Variants in CYP2W1 observed in about 807,000 individuals in gnomAD.
The protein encoded by CYP2W1 is cytochrome P450 family 2 subfamily W member 1.
In CYP2W1, 51 loss-of-function variants were observed where a neutral mutation model predicts 44.9. The ratio of observed to expected loss-of-function variants is 1.14; its 90% CI spans 0.91 to 1.43. CYP2W1 has a LOEUF of 1.43. Ranked by LOEUF, CYP2W1 falls within the 40% of genes most tolerant of loss-of-function variation. The probability of loss-of-function intolerance (pLI) is 0.00; values close to 1 mark genes in which losing one functional copy is unlikely to be tolerated. For missense variants in CYP2W1, 746 were observed against 700.0 expected (o/e 1.07, Z -0.74); for synonymous variants, 383 against 338.3 (o/e 1.13, Z -1.45).
At chr7:986,926 C>G in intron 5 of CYP2W1, 129 bp downstream of exon 5, 1 of 1,322,026 alleles carries the variant, frequency 7.6e-7, no homozygotes, top group East Asian at 2.6e-5. Flanking sequence ...GGGGGCCTCT[C>G]AGAGCCTCAG....
chr7:987,561 T>A, intron 7 of CYP2W1, 30 bp downstream of exon 7: 3 of 1,493,138 alleles, frequency 2.0e-6, no homozygotes, highest in Non-Finnish European at 2.7e-6. Context: ...GCCCCTTCCA[T>A]CTCCTCTGGG....
chr7:987,342 C>G lies in CYP2W1; in HGVS notation c.959-5C>G. 3 of 1,572,352 alleles carry G rather than the reference C, an allele frequency of 1.9e-6. No individual in the cohort carries two copies. The highest frequency in any genetic ancestry group is 2.6e-6 in the Non-Finnish European group (3 of 1,162,114). ...GCCACCCAAGCGGCCCACCCTTTGC[C>G]CCAGGCCGGGTGCAGGAGGAGCTAG... On this transcript the variant is annotated splice_polypyrimidine_tract_variant and splice_region_variant and intron_variant, in intron 6 of 8. Coordinates refer to ENST00000308919, the MANE Select transcript of CYP2W1 (RefSeq NM_017781.3).
chr7:987,371 G>C lies in CYP2W1; in HGVS notation c.983G>C (p.Arg328Pro). 6.3e-7 allele frequency: 1 copy of C among 1,591,764 alleles called. No homozygotes were observed. Among genetic ancestry groups the C allele is most frequent in the Non-Finnish European group, 8.5e-7 (1 of 1,175,534 alleles). Residue 328 changes from arginine to proline, a missense_variant, in exon 7 of 9, where the codon CGC becomes CCC. Physicochemically the swap from Arg to Pro is moderately radical, Grantham distance 103 (BLOSUM62 -2). Coordinates refer to ENST00000308919, the MANE Select transcript of CYP2W1 (RefSeq NM_017781.3). ...GGCCGGGTGCAGGAGGAGCTAGACC[G>C]CGTGCTGGGCCCTGGGCGGACTCCC... ...VQGRVQEELDRVLGPGRTPRL... is the reference protein window; with the variant it reads ...VQGRVQEELDPVLGPGRTPRL...
At chr7:983,875 G>C (rs983143963) in intron 1 of CYP2W1, among the ~76,000 whole-genome samples, 3 of 152,348 alleles carry the variant, frequency 2.0e-5, no homozygotes, top group Admixed American at 2.0e-4. Flanking sequence ...ACGGGGACAC[G>C]GCACGGGGCA....
In CYP2W1 at chr7:988,701, T is replaced by G. The variant is rs201684384; in HGVS notation, c.1352T>G (p.Leu451Arg). 575 of 1,599,784 alleles carry G rather than the reference T, an allele frequency of 3.6e-4. No homozygotes were observed. The highest frequency in any genetic ancestry group is 8.0e-4 in the Admixed American group (48 of 59,974). Residue 451 changes from leucine to arginine, a missense_variant, in exon 9 of 9, where the codon CTG becomes CGG. Leu to Arg is a moderately radical substitution (Grantham distance 102, BLOSUM62 -2). Transcript: ENST00000308919. ...CTCTTCCTGCTGTTTGCCGGCCTCC[T>G]GCAGAGGTACCGCCTGCTGCCCCCG... ...TELFLLFAGL[L>R]QRYRLLPPPG...
rs758985825 is a variant in CYP2W1 at position 985,064 on chromosome 7, T to G, written c.452T>G (p.Leu151Arg). The change falls in exon 3 of 9, where the codon CTG becomes CGG. Residue 151 changes from leucine (L) to arginine (R), a missense_variant. Coordinates refer to ENST00000308919, the MANE Select transcript of CYP2W1 (RefSeq NM_017781.3). ...EPVADKILQE[L>R]KCLSGQLDGY... ...GTGGCTGACAAGATTCTGCAGGAGC[T>G]GAAATGCCTCTCTGGGCAGCTGGAT... The G allele has an allele frequency of 6.2e-7, 1 of 1,612,454 alleles. No individual in the cohort carries two copies. Among genetic ancestry groups the G allele is most frequent in the East Asian group, 2.2e-5 (1 of 44,866 alleles).
In CYP2W1 at chr7:987,378, G is replaced by A. The variant is rs766645260; in HGVS notation, c.990G>A (p.Leu330=). ...GRVQEELDRV[L]GPGRTPRLED... ...TGCAGGAGGAGCTAGACCGCGTGCT[G>A]GGCCCTGGGCGGACTCCCCGGCTGG... The change falls in exon 7 of 9, where the codon CTG becomes CTA. Residue 330 remains leucine, a synonymous_variant. Transcript: ENST00000308919. The A allele has an allele frequency of 3.1e-6, 5 of 1,593,648 alleles. No homozygotes were observed. In the East Asian group the frequency reaches 9.0e-5, roughly 29 times the overall value.
Position 986,779 on chromosome 7 carries a change from C to T in CYP2W1, c.801C>T (p.Ala267=), listed in dbSNP as rs1178517195. The change falls in exon 5 of 9, where the codon GCC becomes GCT. Residue 267 remains alanine (A), a synonymous_variant. Coordinates refer to ENST00000308919, the MANE Select transcript of CYP2W1 (RefSeq NM_017781.3). Reference sequence around the variant, plus strand: ...ACCCCGTGTGCAGCTATGTGGACGCCCTGATCCAGCAGGGACAGGTGTGTC... The same window carrying T: ...ACCCCGTGTGCAGCTATGTGGACGCTCTGATCCAGCAGGGACAGGTGTGTC... ...PGDPVCSYVD[A]LIQQGQGDDP... is the part of the protein sequence containing the mutation. The T allele has an allele frequency of 6.3e-7, 1 of 1,581,196 alleles. No homozygotes were observed. The highest frequency in any genetic ancestry group is 1.8e-5 in the Admixed American group (1 of 56,416).
chr7:987,324 A>G, intron 6 of CYP2W1, 23 bp from the exon 7 acceptor site: 1 of 1,552,182 alleles, frequency 6.4e-7, no homozygotes, highest in South Asian at 1.2e-5. Context: ...GCTGCCACCC[A>G]AGCGGCCCAC....
In CYP2W1 at chr7:989,062, C is replaced by A. The variant is rs183047053; in HGVS notation, c.*240C>A. ...CTGCAGCTCAGTCCCTGCCAGCCCC[C>A]AGGAGCGCCTCCAGGGCCCCGCCCA... On this transcript the variant is annotated 3_prime_UTR_variant, in exon 9 of 9. Coordinates refer to ENST00000308919, the MANE Select transcript of CYP2W1 (RefSeq NM_017781.3). 539 of 458,286 alleles carry A rather than the reference C, an allele frequency of 1.2e-3. 2 individuals carry two copies. The highest frequency in any genetic ancestry group is 9.3e-3 in the African/African-American group (477 of 51,194). 28.4% of individuals were successfully genotyped at this position (458,286 alleles called of 1,614,324 possible).
chr7:986,690 G>C lies in CYP2W1; in HGVS notation c.712G>C (p.Glu238Gln). The change falls in exon 5 of 9, where the codon GAG (glutamate) becomes CAG (glutamine). Residue 238 changes from glutamate (E) to glutamine (Q), a missense_variant. Glu to Gln is a conservative substitution (Grantham distance 29, BLOSUM62 2). Transcript: ENST00000308919. Reference protein sequence around the residue: ...QLHRPVLRKIEEVRAILRTLL... With the variant: ...QLHRPVLRKIQEVRAILRTLL... ...GCACCGGCCCGTCCTGCGCAAGATCGAGGAGGTCCGTGCCATTCTGAGGAC... is the reference window on the plus strand; with the variant it reads ...GCACCGGCCCGTCCTGCGCAAGATCCAGGAGGTCCGTGCCATTCTGAGGAC... The C allele has an allele frequency of 6.2e-7, 1 of 1,612,576 alleles. No homozygotes were observed. The highest frequency in any genetic ancestry group is 1.3e-5 in the African/African-American group (1 of 75,036).
rs988047184 is a variant in CYP2W1 at position 987,215 on chromosome 7, C to A, written c.928C>A (p.Leu310Ile). 1 of 1,543,144 alleles carries A rather than the reference C, an allele frequency of 6.5e-7. No individual in the cohort carries two copies. Among genetic ancestry groups the A allele is most frequent in the Non-Finnish European group, 8.7e-7 (1 of 1,143,904 alleles). The change falls in exon 6 of 9, where the codon CTT becomes ATT. Residue 310 changes from leucine to isoleucine, a missense_variant. Coordinates refer to ENST00000308919, the MANE Select transcript of CYP2W1 (RefSeq NM_017781.3). ...TTSATLQWAALLMGRHPDVQG... is the reference protein window; with the variant it reads ...TTSATLQWAAILMGRHPDVQG... ...CTCGGCCACGCTGCAGTGGGCCGCA[C>A]TTCTGATGGGCCGGCACCCGGACGT... is the stretch of plus-strand genomic sequence containing the variant.
At position 986,705 on chromosome 7, in the gene CYP2W1, A is replaced by T; in HGVS notation, c.727A>T (p.Ile243Phe). 1 of 1,612,310 alleles carries T rather than the reference A, an allele frequency of 6.2e-7. No homozygotes were observed. The highest frequency in any genetic ancestry group is 8.5e-7 in the Non-Finnish European group (1 of 1,179,728). The change falls in exon 5 of 9, where the codon ATT becomes TTT. Residue 243 changes from isoleucine (I) to phenylalanine (F), a missense_variant. Transcript: ENST00000308919. The stretch of plus-strand genomic sequence containing the variant: ...GCGCAAGATCGAGGAGGTCCGTGCC[A>T]TTCTGAGGACCCTCCTGGAGGCGCG... ...VLRKIEEVRA[I>F]LRTLLEARRP...
chr7:986,540 C>T (rs1848359402), intron 4 of CYP2W1, 84 bp from the exon 5 acceptor site: 2 of 1,519,560 alleles, frequency 1.3e-6, no homozygotes, highest in Admixed American at 1.8e-5. Flanking sequence ...GGCGTGAACA[C>T]AGCCGCTGGG....
Position 987,228 on chromosome 7 carries a change from G to A in CYP2W1, c.941G>A (p.Arg314Gln), listed in dbSNP as rs760287935. The A allele has an allele frequency of 2.1e-5, 33 of 1,535,782 alleles. No homozygotes were observed. Among genetic ancestry groups the A allele is most frequent in the Admixed American group, 7.9e-5 (4 of 50,472 alleles). The change falls in exon 6 of 9, where the codon CGG becomes CAG. Residue 314 changes from arginine (R) to glutamine (Q), a missense_variant. Transcript: ENST00000308919. ...CAGTGGGCCGCACTTCTGATGGGCCGGCACCCGGACGTGCAGGGTGAGACC... is the reference window on the plus strand; with the variant it reads ...CAGTGGGCCGCACTTCTGATGGGCCAGCACCCGGACGTGCAGGGTGAGACC... ...TLQWAALLMG[R>Q]HPDVQGRVQE...
At position 985,106 on chromosome 7, in the gene CYP2W1, A is replaced by T. The variant is rs1554282553; in HGVS notation, c.487+7A>T. 2 of 1,611,192 alleles carry T rather than the reference A, an allele frequency of 1.2e-6. No homozygotes were observed. Among genetic ancestry groups the T allele is most frequent in the Admixed American group, 3.3e-5 (2 of 59,868 alleles). On this transcript the variant is annotated splice_region_variant and intron_variant, in intron 3 of 8. Transcript: ENST00000308919. ...CAGCTGGATGGCTACAGAGGTGAGC[A>T]GGGGGCCGGGGACGCCCCTCCCCGG...
At position 985,053 on chromosome 7, in the gene CYP2W1, T is replaced by C; in HGVS notation, c.441T>C (p.Ile147=). The C allele has an allele frequency of 6.2e-7, 1 of 1,612,494 alleles. No homozygotes were observed. ...GCCGGGAGCCGGTGGCTGACAAGATTCTGCAGGAGCTGAAATGCCTCTCTG... is the reference window on the plus strand; with the variant it reads ...GCCGGGAGCCGGTGGCTGACAAGATCCTGCAGGAGCTGAAATGCCTCTCTG... ...GVGREPVADK[I]LQELKCLSGQ... is the part of the protein sequence containing the mutation. The change falls in exon 3 of 9, where the codon ATT becomes ATC. Residue 147 remains isoleucine, a synonymous_variant. Coordinates refer to ENST00000308919, the MANE Select transcript of CYP2W1 (RefSeq NM_017781.3).
rs1381264535 is a variant in CYP2W1, at chr7:988,683, T to C, written c.1334T>C (p.Leu445Pro). 1 of 1,600,204 alleles carries C rather than the reference T, an allele frequency of 6.2e-7. No individual in the cohort carries two copies. The highest frequency in any genetic ancestry group is 8.5e-7 in the Non-Finnish European group (1 of 1,179,618). ...CGCCTGGCCAGGACCGAGCTCTTCC[T>C]GCTGTTTGCCGGCCTCCTGCAGAGG... Reference protein sequence around the residue: ...GERLARTELFLLFAGLLQRYR... With the variant: ...GERLARTELFPLFAGLLQRYR... Residue 445 changes from leucine (L) to proline (P), a missense_variant, in exon 9 of 9, where the codon CTG (leucine) becomes CCG (proline). Leu to Pro is a moderately conservative substitution (Grantham distance 98, BLOSUM62 -3). Coordinates refer to ENST00000308919, the MANE Select transcript of CYP2W1 (RefSeq NM_017781.3).
Position 987,090 on chromosome 7 carries a change from G to T in CYP2W1, c.820-17G>T. On this transcript the variant is annotated splice_polypyrimidine_tract_variant and intron_variant, in intron 5 of 8. Transcript: ENST00000308919. ...GACCCCAGATCATCCCACGAGCCCT[G>T]CCCCACGCCTCTGCAGGGGGATGAC... 1 of 1,510,408 alleles carries T rather than the reference G, an allele frequency of 6.6e-7. No individual in the cohort carries two copies. Among genetic ancestry groups the T allele is most frequent in the Non-Finnish European group, 8.9e-7 (1 of 1,127,882 alleles). The allele number at this position is 1,510,408 out of a possible 1,614,324, so 93.6% of individuals were successfully genotyped here.
Sources: gnomAD v4.1 joint callset for allele counts (sites outside exome capture counted in the v4.1 genomes callset) on GRCh38, gnomAD v4.1.1 for gene constraint, MANE v1.5 for transcripts, NCBI Gene and HGNC (gene_info 2026-07-23, HGNC 2026-07-21) for gene names.